The following ISG20 variants were observed in gnomAD, a reference collection of about 807,000 sequenced individuals.
ISG20 encodes the protein interferon-stimulated gene 20 kDa protein.
A neutral mutation model predicts 11.1 loss-of-function variants in ISG20; 8 were observed. The observed-to-expected ratio is 0.72, with a 90% CI of 0.42 to 1.30. The LOEUF (loss-of-function observed/expected upper bound fraction) is 1.30. Ranked by LOEUF, ISG20 falls within the 50% of genes most tolerant of loss-of-function variation. The pLI, the probability that ISG20 is intolerant of heterozygous loss-of-function variation, is 0.01. For missense variants in ISG20, 243 were observed against 250.2 expected (o/e 0.97, Z 0.19); for synonymous variants, 110 against 101.7 (o/e 1.08, Z -0.49).
chr15:88,655,471 T>C lies in ISG20; in HGVS notation c.486T>C (p.Tyr162=). The change falls in exon 4 of 4, where the codon TAT becomes TAC. Residue 162 remains tyrosine, a synonymous_variant. Coordinates refer to ENST00000306072, the MANE Select transcript of ISG20 (RefSeq NM_002201.6). ...ATGCGAGGGCAACGATGGAGCTCTATCAAATCTCCCAGAGAATCCGAGCCC... is the reference window on the plus strand; with the variant it reads ...ATGCGAGGGCAACGATGGAGCTCTACCAAATCTCCCAGAGAATCCGAGCCC... The part of the protein sequence containing the change: ...VEDARATMEL[Y]QISQRIRARR... 2 of 1,613,960 alleles carry C rather than the reference T, an allele frequency of 1.2e-6. No individual in the cohort carries two copies. Among genetic ancestry groups the C allele is most frequent in the South Asian group, 1.1e-5 (1 of 91,076 alleles).
chr15:88,639,397 G>T lies in ISG20; in HGVS notation c.31G>T (p.Asp11Tyr). 1 of 1,613,636 alleles carries T rather than the reference G, an allele frequency of 6.2e-7. No individual in the cohort carries two copies. Among genetic ancestry groups the T allele is most frequent in the Non-Finnish European group, 8.5e-7 (1 of 1,179,838 alleles). MAGSREVVAM[D>Y]CEMVGLGPHR... The stretch of plus-strand genomic sequence containing the variant: ...TGGGAGCCGTGAGGTGGTGGCCATG[G>T]ACTGCGAGATGGTGGGGCTGGGGCC... Residue 11 changes from aspartate to tyrosine, a missense_variant, in exon 2 of 4, where the codon GAC becomes TAC. By Grantham distance (160) the Asp-to-Tyr change is radical. Coordinates refer to ENST00000306072, the MANE Select transcript of ISG20 (RefSeq NM_002201.6). The surrounding 1 kb of genome is among the most constrained non-coding windows in gnomAD (Gnocchi z 4.2).
intron 2 of ISG20, chr15:88,647,693 T>C (rs1057388965): frequency 2.0e-5 from 3 of 152,248 alleles, no homozygotes; most frequent in Non-Finnish European, 2.9e-5. Context: ...AATGTTTTTC[T>C]TCTTCCTTTT....
chr15:88,655,416 A>G lies in ISG20; in HGVS notation c.431A>G (p.Asn144Ser), dbSNP rs758343963. Residue 144 changes from asparagine (N) to serine (S), a missense_variant and splice_region_variant, in exon 4 of 4, where the codon AAC becomes AGC. Physicochemically the swap from Asn to Ser is conservative, Grantham distance 46. Coordinates refer to ENST00000306072, the MANE Select transcript of ISG20 (RefSeq NM_002201.6). ...SERLLHKSIQNSLLGHSSVED... is the reference protein window; with the variant it reads ...SERLLHKSIQSSLLGHSSVED... ...CCCACTCTATACTTGTGTCTGCAGA[A>G]CAGCCTGCTTGGACACAGCTCGGTG... 10 of 1,613,832 alleles carry G rather than the reference A, an allele frequency of 6.2e-6. No homozygotes were observed. In the African/African-American group the frequency reaches 9.3e-5, roughly 15 times the overall value.
chr15:88,642,542 C>T (rs2058099543), intron 2 of ISG20, among the ~76,000 whole-genome samples: 1 of 152,200 alleles, frequency 6.6e-6, no homozygotes, highest in South Asian at 2.1e-4. Context: ...CCATATGCTG[C>T]TAGTAGACTG....
rs1366452080 is a variant in ISG20, at chr15:88,639,103, T to G, written c.-25+27T>G. On this transcript the variant is annotated intron_variant, in intron 1 of 3. Coordinates refer to ENST00000306072, the MANE Select transcript of ISG20 (RefSeq NM_002201.6). The surrounding 1 kb of genome is among the most constrained non-coding windows in gnomAD (Gnocchi z 4.2). Reference sequence around the variant, plus strand: ...TGAGAGCGGGAGCTGGAGCAGCAGCTGGGGAGGCAGCGGGAGGGGCCTTCC... The same window carrying G: ...TGAGAGCGGGAGCTGGAGCAGCAGCGGGGGAGGCAGCGGGAGGGGCCTTCC... The G allele has an allele frequency of 1.8e-6, 1 of 550,784 alleles. No homozygotes were observed. The highest frequency in any genetic ancestry group is 3.2e-6 in the Non-Finnish European group (1 of 310,128). The allele number at this position is 550,784 out of a possible 1,614,324, so 34.1% of individuals were successfully genotyped here.
intron 3 of ISG20, among the ~76,000 whole-genome samples, chr15:88,654,208 T>A (rs1295179496): frequency 1.3e-5 from 2 of 152,080 alleles, no homozygotes; most frequent in Non-Finnish European, 2.9e-5. Context: ...GTAGAACACA[T>A]AACCTCCCTG....
Position 88,656,136 on chromosome 15 carries a change from A to G in ISG20, c.*605A>G, listed in dbSNP as rs963310420. 1.3e-5 allele frequency: 2 copies of G among 152,250 alleles called. No homozygotes were observed. Among genetic ancestry groups the G allele is most frequent in the African/African-American group, 4.8e-5 (2 of 41,446 alleles). The allele number at this position is 152,250 out of a possible 1,614,324, so 9.4% of individuals were successfully genotyped here. ...TGTTTGACCTAAGGTGGTTTACTGA[A>G]CTTCTCAGTTTCTCCATCTGTAAAA... On this transcript the variant is annotated 3_prime_UTR_variant, in exon 4 of 4. Coordinates refer to ENST00000306072, the MANE Select transcript of ISG20 (RefSeq NM_002201.6).
chr15:88,639,143 C>T lies in ISG20; in HGVS notation c.-25+67C>T, dbSNP rs2058035075. ...AGGGGCCTTCCCGGTCCCCAGGCTGCGGGGCAGGCCAGAGGCCCTGGGACA... is the reference window on the plus strand; with the variant it reads ...AGGGGCCTTCCCGGTCCCCAGGCTGTGGGGCAGGCCAGAGGCCCTGGGACA... On this transcript the variant is annotated intron_variant, in intron 1 of 3. Transcript: ENST00000306072. This position sits in a 1 kb window ranked among gnomAD's most constrained non-coding sequence, Gnocchi z 4.2. 8.8e-6 allele frequency: 5 copies of T among 569,244 alleles called. No individual in the cohort carries two copies. The highest frequency in any genetic ancestry group is 6.6e-5 in the South Asian group (3 of 45,396). The allele number at this position is 569,244 out of a possible 1,614,324, so 35.3% of individuals were successfully genotyped here. A position where few individuals can be genotyped will look rare whatever the true frequency, so the allele number is the denominator to read the frequency against.
At chr15:88,653,430 G>A (rs968880491) in intron 3 of ISG20, among the ~76,000 whole-genome samples, 33 of 152,248 alleles carry the variant, frequency 2.2e-4, no homozygotes, top group African/African-American at 6.7e-4. Context: ...CACGGAGCCC[G>A]CCCCTAGCCT....
Position 88,639,486 on chromosome 15 carries a change from C to G in ISG20, c.120C>G (p.Asp40Glu). Reference sequence around the variant, plus strand: ...ACGTCCACGGTGCTGTGCTGTACGACAAGTTCATCCGGCCTGAGGGAGAGA... The same window carrying G: ...ACGTCCACGGTGCTGTGCTGTACGAGAAGTTCATCCGGCCTGAGGGAGAGA... ...LVNVHGAVLY[D>E]KFIRPEGEIT... The change falls in exon 2 of 4, where the codon GAC (aspartate) becomes GAG (glutamate). Residue 40 changes from aspartate (D) to glutamate (E), a missense_variant. Asp to Glu is a conservative substitution (Grantham distance 45, BLOSUM62 2). Coordinates refer to ENST00000306072, the MANE Select transcript of ISG20 (RefSeq NM_002201.6). The surrounding 1 kb of genome is among the most constrained non-coding windows in gnomAD (Gnocchi z 4.2). The G allele has an allele frequency of 1.2e-6, 2 of 1,614,162 alleles. No individual in the cohort carries two copies. The highest frequency in any genetic ancestry group is 1.7e-6 in the Non-Finnish European group (2 of 1,180,032).
chr15:88,652,018 G>A (rs1230486160), intron 2 of ISG20, 92 bp from the exon 3 acceptor site: 8 of 1,574,698 alleles, frequency 5.1e-6, no homozygotes, highest in Non-Finnish European at 6.9e-6. Flanking sequence ...AGGTCACACA[G>A]CCAGTCAAGG....
rs1005082169 is a variant in ISG20, at chr15:88,648,382, C to T, written c.229-3728C>T. ...GTAGGTCTGTGTAGGGCCTGGCCCT[C>T]CTGGATTTTTGGATCAGGCACATCT... On this transcript the variant is annotated intron_variant, in intron 2 of 3. Transcript: ENST00000306072. The T allele has an allele frequency of 6.6e-5, 10 of 152,210 alleles. 1 individual carries two copies. Among genetic ancestry groups the T allele is most frequent in the Admixed American group, 1.3e-4 (2 of 15,282 alleles). The allele number at this position is 152,210 out of a possible 1,614,324, so 9.4% of individuals were successfully genotyped here. A position where few individuals can be genotyped will look rare whatever the true frequency, so the allele number is the denominator to read the frequency against.
rs538636616 is a variant in ISG20, at chr15:88,643,611, G to A, written c.228+4017G>A. ...CCAAGCTACTCAGGAGGCTGACGCA[G>A]GAGAATCGCTTAAACCCAGGAGGCG... On this transcript the variant is annotated intron_variant, in intron 2 of 3. Transcript: ENST00000306072. The surrounding 1 kb of genome is among the most constrained non-coding windows in gnomAD (Gnocchi z 4.4). Among the ~76,000 whole-genome samples the A allele has an allele frequency of 3.3e-5, 5 of 152,158 alleles. No individual in the cohort carries two copies. Among genetic ancestry groups the A allele is most frequent in the African/African-American group, 1.2e-4 (5 of 41,420 alleles).
chr15:88,641,019 GTC>G (rs1297199923), intron 2 of ISG20, among the ~76,000 whole-genome samples: 4 of 151,328 alleles, frequency 2.6e-5, no homozygotes, highest in Non-Finnish European at 5.9e-5. Context: ...TTTAACCGGA[GTC>G]TCTCTCTGTC....
At chr15:88,646,926 A>G (rs1271905192) in intron 2 of ISG20, 1 of 152,286 alleles carries the variant, frequency 6.6e-6, no homozygotes, top group Non-Finnish European at 1.5e-5. Context: ...ATGTGCCACC[A>G]TGCCCAGCTC....
At chr15:88,648,492 T>G (rs2058216909) in intron 2 of ISG20, 1 of 152,332 alleles carries the variant, frequency 6.6e-6, no homozygotes, top group Non-Finnish European at 1.5e-5. Context: ...CCCCTGCTTG[T>G]GACCTGGGTG....
At chr15:88,646,676 CAGAAG>C (rs2058179585) in intron 2 of ISG20, among the ~76,000 whole-genome samples, 3 of 152,224 alleles carry the variant, frequency 2.0e-5, no homozygotes, top group Admixed American at 2.0e-4. Context: ...CCCCAAAGGG[CAGAAG>C]CCTAACAGCC....
intron 2 of ISG20, among the ~76,000 whole-genome samples, chr15:88,642,416 C>T (rs1027895309): frequency 1.3e-5 from 2 of 152,198 alleles, no homozygotes; most frequent in African/African-American, 4.8e-5. Flanking sequence ...ACAGTTCAAC[C>T]CATAAACTGA....
At position 88,639,462 on chromosome 15, in the gene ISG20, C is replaced by A; in HGVS notation, c.96C>A (p.Asn32Lys). 8 of 1,614,118 alleles carry A rather than the reference C, an allele frequency of 5.0e-6. No individual in the cohort carries two copies. Among genetic ancestry groups the A allele is most frequent in the Non-Finnish European group, 6.8e-6 (8 of 1,179,994 alleles). Residue 32 changes from asparagine (N) to lysine (K), a missense_variant, in exon 2 of 4, where the codon AAC becomes AAA. Transcript: ENST00000306072. This position sits in a 1 kb window ranked among gnomAD's most constrained non-coding sequence, Gnocchi z 4.2. ...ESGLARCSLVNVHGAVLYDKF... is the reference protein window; with the variant it reads ...ESGLARCSLVKVHGAVLYDKF... ...GCCTGGCTCGTTGCAGCCTCGTGAA[C>A]GTCCACGGTGCTGTGCTGTACGACA...
Sources: gnomAD v4.1 joint callset for allele counts (sites outside exome capture counted in the v4.1 genomes callset) on GRCh38, gnomAD v4.1.1 for gene constraint, Gnocchi (gnomAD v3.1) non-coding constraint, MANE v1.5 for transcripts, NCBI Gene and HGNC (gene_info 2026-07-23, HGNC 2026-07-21) for gene names.